RAB3GAP2: variants seen among roughly 807,000 people sequenced by gnomAD.
RAB3GAP2 encodes RAB3 GTPase activating non-catalytic protein subunit 2.
Under a neutral mutation model 185.3 loss-of-function variants are expected in RAB3GAP2, and 87 were observed. That is an observed-to-expected ratio of 0.47 (90% CI 0.39 to 0.56). The LOEUF (loss-of-function observed/expected upper bound fraction) is 0.56. RAB3GAP2 is among the 20% of genes least tolerant of loss of function. RAB3GAP2 has a pLI of 0.00. For missense variants in RAB3GAP2, 1,492 were observed against 1,638.2 expected, an observed-to-expected ratio of 0.91 and a Z score of 1.54; for synonymous variants, 554 against 576.1, an observed-to-expected ratio of 0.96 and a Z score of 0.55.
At chr1:220,239,638 A>C (rs1659655267) in intron 1 of RAB3GAP2, among the ~76,000 whole-genome samples, 1 of 152,200 alleles carries the variant, frequency 6.6e-6, no homozygotes, top group Non-Finnish European at 1.5e-5. Flanking sequence ...TCTTAGCTTT[A>C]GTTTTGATTA....
rs1384124490 is a variant in RAB3GAP2, at chr1:220,196,347, C to T, written c.863G>A (p.Gly288Asp). ...FDQMKTASNI[G>D]GFNAAIKNSP... ...ATTTTTAATTGCTGCATTAAATCCA[C>T]CTATATTGGAGGCAGTCTTCATTTG... Residue 288 changes from glycine to aspartate, a missense_variant, in exon 10 of 35, where the codon GGT (glycine) becomes GAT (aspartate). Physicochemically the swap from Gly to Asp is moderately conservative, Grantham distance 94. This residue lies in a region of RAB3GAP2 where 243 missense variants were observed against 314.8 expected (regional missense o/e 0.77). Coordinates refer to ENST00000358951, the MANE Select transcript of RAB3GAP2 (RefSeq NM_012414.4). The T allele has an allele frequency of 6.2e-7, 1 of 1,607,300 alleles. No individual in the cohort carries two copies. The highest frequency in any genetic ancestry group is 1.3e-5 in the African/African-American group (1 of 74,610).
chr1:220,185,896 C>T (rs573177034), intron 17 of RAB3GAP2, among the ~76,000 whole-genome samples, 155 bp from the exon 18 acceptor site: 5 of 152,124 alleles, frequency 3.3e-5, no homozygotes, highest in African/African-American at 9.6e-5. Context: ...TCTCAAGTTG[C>T]GTTGTTAAGT....
At chr1:220,196,453 T>C (rs1658726554) in intron 9 of RAB3GAP2, 55 bp from the exon 10 acceptor site, 1 of 1,483,842 alleles carries the variant, frequency 6.7e-7, no homozygotes, top group Non-Finnish European at 9.4e-7. Context: ...GTCATTACAT[T>C]TTTACTTCAG....
intron 7 of RAB3GAP2, 62 bp from the exon 8 acceptor site, chr1:220,206,068 T>C (rs2102877751): frequency 9.4e-7 from 1 of 1,060,620 alleles, no homozygotes; most frequent in Non-Finnish European, 1.4e-6. Flanking sequence ...TACTTTTTAT[T>C]ATACTGAATT....
Position 220,191,169 on chromosome 1 carries a change from A to C in RAB3GAP2, c.1386T>G (p.Ala462=), listed in dbSNP as rs751935944. ...TTGGCGCATAGATCACAAGGAATTG[A>C]GCTACTCGACTTGGACCCTGAGAAT... ...FGNSQGPSRV[A]QFLVIYAPRR... is the part of the protein sequence containing the mutation. The change falls in exon 14 of 35, where the codon GCT becomes GCG. Residue 462 remains alanine, a synonymous_variant. Coordinates refer to ENST00000358951, the MANE Select transcript of RAB3GAP2 (RefSeq NM_012414.4). 8.1e-6 allele frequency: 13 copies of C among 1,613,948 alleles called. No individual in the cohort carries two copies. The highest frequency in any genetic ancestry group is 1.1e-5 in the Non-Finnish European group (13 of 1,180,004).
intron 2 of RAB3GAP2, among the ~76,000 whole-genome samples, chr1:220,214,621 G>C (rs1659150671): frequency 6.6e-6 from 1 of 151,838 alleles, no homozygotes; most frequent in African/African-American, 2.4e-5. Flanking sequence ...TAGCTAGACA[G>C]CAAAGAAAAA....
intron 1 of RAB3GAP2, among the ~76,000 whole-genome samples, chr1:220,256,471 A>G (rs1372784033): frequency 1.3e-5 from 2 of 152,204 alleles, no homozygotes; most frequent in African/African-American, 4.8e-5. Context: ...CAAGCTGGAT[A>G]AAGACGCAAA....
At chr1:220,159,344 G>A (rs1433895025) in intron 29 of RAB3GAP2, 42 bp downstream of exon 29, 2 of 1,528,806 alleles carry the variant, frequency 1.3e-6, no homozygotes, top group African/African-American at 1.4e-5. Flanking sequence ...ATAAAAGTGT[G>A]GAATTAACAA....
At position 220,182,755 on chromosome 1, in the gene RAB3GAP2, G is replaced by A; in HGVS notation, c.2175C>T (p.Asn725=). The A allele has an allele frequency of 6.2e-7, 1 of 1,610,380 alleles. No homozygotes were observed. Among genetic ancestry groups the A allele is most frequent in the South Asian group, 1.1e-5 (1 of 90,674 alleles). ...ATTCCTCTTCACTTATTTTCTTTAT[G>A]TTGAGCACATCCTTTTCATATTCTA... ...EYLEYEKDVL[N]IKKISEEEYV... Residue 725 remains asparagine (N), a synonymous_variant, in exon 20 of 35, where the codon AAC becomes AAT. Transcript: ENST00000358951.
At chr1:220,237,452 A>C (rs1419210266) in intron 1 of RAB3GAP2, among the ~76,000 whole-genome samples, 1 of 152,238 alleles carries the variant, frequency 6.6e-6, no homozygotes, top group Non-Finnish European at 1.5e-5. Context: ...CATTCACATT[A>C]ATTGTCTTCA....
intron 21 of RAB3GAP2, among the ~76,000 whole-genome samples, chr1:220,175,989 A>C (rs1658281145): frequency 6.6e-6 from 1 of 152,202 alleles, no homozygotes; most frequent in Admixed American, 6.5e-5. Flanking sequence ...TTGTAGAATC[A>C]CTTATAAGCA....
intron 2 of RAB3GAP2, among the ~76,000 whole-genome samples, chr1:220,222,135 C>T (rs920898491): frequency 1.3e-5 from 2 of 152,132 alleles, no homozygotes; most frequent in Non-Finnish European, 2.9e-5. Flanking sequence ...ACTTTTAAAG[C>T]AAGACACATA....
In RAB3GAP2 at chr1:220,272,349, A is replaced by G. The variant is rs985676919; in HGVS notation, c.-12T>C. The G allele has an allele frequency of 1.3e-5, 20 of 1,589,672 alleles. No homozygotes were observed. The highest frequency in any genetic ancestry group is 1.5e-5 in the Non-Finnish European group (18 of 1,163,176). On this transcript the variant is annotated 5_prime_UTR_variant, in exon 1 of 35. Transcript: ENST00000358951. The stretch of plus-strand genomic sequence containing the variant: ...ATGGAGCAGGCCATGGCTCCAGGGA[A>G]CCCCACTACGGCACTCACCTTACCT...
chr1:220,164,315 A>G (rs1200739388), intron 27 of RAB3GAP2, among the ~76,000 whole-genome samples: 2 of 152,022 alleles, frequency 1.3e-5, no homozygotes, highest in East Asian at 3.9e-4. Flanking sequence ...AAAGCTAGAT[A>G]CAGAACAGCT....
chr1:220,157,674 C>T (rs554474845), intron 30 of RAB3GAP2, 128 bp downstream of exon 30: 2 of 1,077,612 alleles, frequency 1.9e-6, no homozygotes, highest in African/African-American at 1.6e-5. Flanking sequence ...CTTCTGGGCT[C>T]AAGTCAAAAT....
At chr1:220,179,854 C>A (rs999757780) in intron 21 of RAB3GAP2, among the ~76,000 whole-genome samples, 1 of 152,064 alleles carries the variant, frequency 6.6e-6, no homozygotes, top group African/African-American at 2.4e-5. Flanking sequence ...CAATGGGATG[C>A]AGCAAAAGGA....
At position 220,213,969 on chromosome 1, in the gene RAB3GAP2, C is replaced by T. The variant is rs553002911; in HGVS notation, c.191G>A (p.Gly64Glu). ...AGTTTTTTGTGTTTTGCAAGTATTT[C>T]CTTCTTCTTCCTGTGGGTAAAACTA... Reference protein sequence around the residue: ...ENEPQEPEEEGNTCKTQKTSW... With the variant: ...ENEPQEPEEEENTCKTQKTSW... Residue 64 changes from glycine (G) to glutamate (E), a missense_variant, in exon 3 of 35, where the codon GGA becomes GAA. By Grantham distance (98) the Gly-to-Glu change is moderately conservative. Coordinates refer to ENST00000358951, the MANE Select transcript of RAB3GAP2 (RefSeq NM_012414.4). 3.7e-6 allele frequency: 6 copies of T among 1,613,216 alleles called. No homozygotes were observed. The South Asian group carries it at 5.5e-5, about 15-fold the overall frequency.
chr1:220,151,185 T>C lies in RAB3GAP2; in HGVS notation c.*66A>G. ...TCCCATAAAATTCCAGGTCTTACTA[T>C]GTAAAATAACCATGCACTACTTCAT... is the stretch of plus-strand genomic sequence containing the variant. On this transcript the variant is annotated 3_prime_UTR_variant, in exon 35 of 35. Transcript: ENST00000358951. The C allele has an allele frequency of 1.3e-6, 2 of 1,496,862 alleles. No homozygotes were observed. Among genetic ancestry groups the C allele is most frequent in the Non-Finnish European group, 1.8e-6 (2 of 1,083,374 alleles). The allele number at this position is 1,496,862 out of a possible 1,614,324, so 92.7% of individuals were successfully genotyped here.
intron 1 of RAB3GAP2, among the ~76,000 whole-genome samples, chr1:220,245,744 A>G (rs2102898935): frequency 6.6e-6 from 1 of 152,198 alleles, no homozygotes; most frequent in South Asian, 2.1e-4. Context: ...GACAGCAGTA[A>G]CCTCTGCAGA....
Sources: allele counts gnomAD v4.1 joint callset (sites outside exome capture counted in the v4.1 genomes callset), GRCh38; gene constraint gnomAD v4.1.1; regional missense constraint gnomAD v4.1.1; transcripts MANE v1.5; gene names NCBI Gene and HGNC (gene_info 2026-07-23, HGNC 2026-07-21).